The following KCNH1 variants were observed in gnomAD, a reference collection of about 807,000 sequenced individuals.
KCNH1 encodes potassium voltage-gated channel subfamily H member 1, also known as voltage-gated delayed rectifier potassium channel KCNH1.
Under a neutral mutation model 69.2 loss-of-function variants are expected in KCNH1, and 27 were observed. The ratio of observed to expected loss-of-function variants is 0.39; its 90% CI spans 0.29 to 0.54. The LOEUF (loss-of-function observed/expected upper bound fraction) is 0.54, where lower values mean the gene tolerates loss of function less well. KCNH1 is among the 20% of genes least tolerant of loss of function. The pLI is 0.68. For synonymous variants in KCNH1, 456 were observed against 487.7 expected (o/e 0.93, Z 0.86); for missense variants, 798 against 1,261.6 (o/e 0.63, Z 5.57).
chr1:211,064,283 G>T (rs938827689), intron 5 of KCNH1, among the ~76,000 whole-genome samples: 1 of 152,288 alleles, frequency 6.6e-6, no homozygotes, highest in East Asian at 1.9e-4. Flanking sequence ...TGAATTGGCC[G>T]GGCACGGTGG....
At chr1:210,716,431 C>CAAAA (rs58725705) in intron 10 of KCNH1, among the ~76,000 whole-genome samples, 14 of 91,970 alleles carry the variant, frequency 1.5e-4, no homozygotes, top group African/African-American at 5.3e-4. Context: ...GACTCCGTCT[C>CAAAA]AAAAAAAAAA....
At chr1:210,875,819 A>C (rs1008493530) in intron 7 of KCNH1, among the ~76,000 whole-genome samples, 42 of 151,284 alleles carry the variant, frequency 2.8e-4, no homozygotes, top group African/African-American at 7.3e-4. Context: ...AAAAAAAAAT[A>C]AATCAATAGC....
intron 7 of KCNH1, among the ~76,000 whole-genome samples, chr1:210,840,356 C>T (rs6700486): frequency 0.01 from 1,535 of 151,906 alleles, 31 homozygotes; most frequent in African/African-American, 0.035. Flanking sequence ...TTTGAGGTGG[C>T]TAAATGAAGG....
chr1:211,055,768 TC>T (rs2102444658), intron 5 of KCNH1, among the ~76,000 whole-genome samples: 1 of 152,240 alleles, frequency 6.6e-6, no homozygotes, highest in East Asian at 1.9e-4. Context: ...GCCCCCCCAT[TC>T]TGGGCTCTAG....
intron 4 of KCNH1, 42 bp downstream of exon 4, chr1:211,090,520 A>C: frequency 6.5e-7 from 1 of 1,548,048 alleles, no homozygotes; most frequent in Non-Finnish European, 8.7e-7. Context: ...CAATAAAGAC[A>C]AAAAAGGCAT....
rs368875490 is a variant in KCNH1 at position 210,984,061 on chromosome 1, T to C, written c.1032+34722A>G. Among the ~76,000 whole-genome samples, 7 of 152,316 alleles carry C rather than the reference T, an allele frequency of 4.6e-5. No homozygotes were observed. The South Asian group carries it at 6.2e-4, about 14-fold the overall frequency. ...TGTGAATCGGAGTTCACTCATGATT[T>C]GGCTCTCTGTTTGTCTGTTATTGGT... is the stretch of plus-strand genomic sequence containing the variant. On this transcript the variant is annotated intron_variant, in intron 6 of 10. Coordinates refer to ENST00000271751, the MANE Select transcript of KCNH1 (RefSeq NM_172362.3).
intron 6 of KCNH1, among the ~76,000 whole-genome samples, chr1:210,985,271 T>C (rs1198598454): frequency 6.6e-6 from 1 of 152,222 alleles, no homozygotes; most frequent in African/African-American, 2.4e-5. Flanking sequence ...GTTTTTTGTG[T>C]CTCTATCTCC....
In KCNH1 at chr1:211,112,288, A is replaced by AC. The variant is rs1369303130; in HGVS notation, c.80-4912dup. Among the ~76,000 whole-genome samples, 11 of 95,538 alleles carry AC rather than the reference A, an allele frequency of 1.2e-4. No individual in the cohort carries two copies. In the East Asian group the frequency reaches 3.3e-3, roughly 29 times the overall value. 62.7% of individuals were successfully genotyped at this position (95,538 alleles called of 152,430 possible). On this transcript the variant is annotated intron_variant, in intron 1 of 10. Coordinates refer to ENST00000271751, the MANE Select transcript of KCNH1 (RefSeq NM_172362.3). ...TCCTCTGCCCCATCCCCCACCGCCC[A>AC]CCCCCCTCCACCCCTCCACCCCTCC...
intron 6 of KCNH1, among the ~76,000 whole-genome samples, chr1:210,972,731 T>C (rs1688532875): frequency 6.6e-6 from 1 of 152,094 alleles, no homozygotes; most frequent in South Asian, 2.1e-4. Context: ...GTTAAATGTG[T>C]ATTCAAGTCA....
intron 7 of KCNH1, among the ~76,000 whole-genome samples, chr1:210,852,455 C>G (rs1685725946): frequency 6.6e-6 from 1 of 152,134 alleles, no homozygotes; most frequent in Admixed American, 6.5e-5. Flanking sequence ...TTTCTTTGAC[C>G]AGGAGAGTAA....
chr1:211,132,345 C>A (rs555032998), intron 1 of KCNH1, among the ~76,000 whole-genome samples: 1 of 152,254 alleles, frequency 6.6e-6, no homozygotes, highest in African/African-American at 2.4e-5. Context: ...CAAAACAGTT[C>A]ATTGTGGCTG....
At chr1:210,892,229 A>C (rs1008535943) in intron 7 of KCNH1, among the ~76,000 whole-genome samples, 2 of 151,928 alleles carry the variant, frequency 1.3e-5, no homozygotes, top group African/African-American at 4.8e-5. Context: ...AAAAAAAAAA[A>C]CAACCCTTAT....
At chr1:210,718,681 CACACACACACAT>C (rs1682370909) in intron 10 of KCNH1, among the ~76,000 whole-genome samples, 4 of 110,140 alleles carry the variant, frequency 3.6e-5, no homozygotes, top group African/African-American at 1.3e-4. Flanking sequence ...CACACACACA[CACACACACACAT>C]ATATATATAC....
chr1:210,852,633 C>T (rs1685731071), intron 7 of KCNH1, among the ~76,000 whole-genome samples: 1 of 152,092 alleles, frequency 6.6e-6, no homozygotes, highest in Admixed American at 6.6e-5. Flanking sequence ...GAGCCCCTAC[C>T]TCAACCACCA....
chr1:211,042,301 A>G lies in KCNH1; in HGVS notation c.559-23045T>C, dbSNP rs187379193. 1.0e-3 allele frequency among the ~76,000 whole-genome samples: 155 copies of G among 152,184 alleles called. 2 individuals carry two copies. In the Middle Eastern group the frequency reaches 0.027, roughly 27 times the overall value. ...ATCAGGAATTGTAATACATCTATCT[A>G]TTTTTTTACTTGTTTATAGATGTCT... On this transcript the variant is annotated intron_variant, in intron 5 of 10. Transcript: ENST00000271751.
intron 9 of KCNH1, among the ~76,000 whole-genome samples, chr1:210,797,092 G>C (rs781608598): frequency 6.8e-6 from 1 of 147,906 alleles, no homozygotes; most frequent in Non-Finnish European, 1.5e-5. Context: ...GAAAGGATTT[G>C]ACACATGCTA....
intron 10 of KCNH1, among the ~76,000 whole-genome samples, chr1:210,693,768 C>G (rs886583791): frequency 6.6e-6 from 1 of 152,166 alleles, no homozygotes; most frequent in Non-Finnish European, 1.5e-5. Context: ...TTTTGACAGA[C>G]CAACTTCGAC....
chr1:210,698,221 C>T (rs1441749608), intron 10 of KCNH1, among the ~76,000 whole-genome samples: 2 of 152,082 alleles, frequency 1.3e-5, no homozygotes, highest in Non-Finnish European at 2.9e-5. Context: ...GCAGATATGC[C>T]CAATCTTGGC....
chr1:211,046,815 C>T (rs1321852499), intron 5 of KCNH1, among the ~76,000 whole-genome samples: 2 of 152,054 alleles, frequency 1.3e-5, no homozygotes, highest in African/African-American at 4.8e-5. Context: ...GGTTAAGTTG[C>T]CCAAAACTTA....
Sources: gnomAD v4.1 joint callset for allele counts (sites outside exome capture counted in the v4.1 genomes callset) on GRCh38, gnomAD v4.1.1 for gene constraint, MANE v1.5 for transcripts, NCBI Gene and HGNC (gene_info 2026-07-23, HGNC 2026-07-21) for gene names.